Variants in SETBP1 observed in about 807,000 individuals in gnomAD.
The protein encoded by SETBP1 is SET binding protein 1.
Under a neutral mutation model 101.0 loss-of-function variants are expected in SETBP1, and 9 were observed. The observed-to-expected ratio is 0.09, with a 90% CI of 0.05 to 0.16. The LOEUF is 0.16. SETBP1 is among the 10% of genes least tolerant of loss of function. The probability of loss-of-function intolerance (pLI) is 1.00; values close to 1 mark genes in which losing one functional copy is unlikely to be tolerated. For missense variants in SETBP1, 1,858 were observed against 2,033.8 expected, an observed-to-expected ratio of 0.91 and a Z score of 1.66; for synonymous variants, 818 against 788.5, an observed-to-expected ratio of 1.04 and a Z score of -0.63.
chr18:45,057,615 A>G (rs1400754367), intron 5 of SETBP1, among the ~76,000 whole-genome samples: 1 of 152,206 alleles, frequency 6.6e-6, no homozygotes, highest in Non-Finnish European at 1.5e-5. Flanking sequence ...TTGAAGCACA[A>G]GATATTCCAG....
chr18:44,805,430 GT>G (rs2071709470), intron 2 of SETBP1, among the ~76,000 whole-genome samples: 4 of 151,810 alleles, frequency 2.6e-5, no homozygotes, highest in African/African-American at 4.8e-5. Context: ...GTGTGTGTGT[GT>G]GTGGGTGTGT....
chr18:44,958,721 A>G (rs1366598866), intron 4 of SETBP1, among the ~76,000 whole-genome samples: 1 of 152,114 alleles, frequency 6.6e-6, no homozygotes, highest in African/African-American at 2.4e-5. Flanking sequence ...ATGTTAAGCT[A>G]TATGTTTTCC....
intron 2 of SETBP1, among the ~76,000 whole-genome samples, chr18:44,716,509 T>C (rs542957217): frequency 1.3e-5 from 2 of 152,296 alleles, no homozygotes; most frequent in South Asian, 4.2e-4. Flanking sequence ...TTATGTTTTC[T>C]TATTTCTGAA....
intron 2 of SETBP1, among the ~76,000 whole-genome samples, chr18:44,736,582 T>C (rs1193373693): frequency 6.6e-6 from 1 of 152,198 alleles, no homozygotes; most frequent in African/African-American, 2.4e-5. Context: ...TGGTTGGTAA[T>C]GTAGATTCTA....
At chr18:44,865,753 G>T (rs904195593) in intron 2 of SETBP1, among the ~76,000 whole-genome samples, 1 of 1,308 alleles carries the variant, frequency 7.6e-4, no homozygotes, top group African/African-American at 3.6e-3. Context: ...AGAAAAGCCA[G>T]AAAGGCAAGG....
At chr18:44,802,023 C>T (rs1219956212) in intron 2 of SETBP1, among the ~76,000 whole-genome samples, 2 of 152,154 alleles carry the variant, frequency 1.3e-5, no homozygotes, top group Non-Finnish European at 2.9e-5. Context: ...ACTCTGGCTA[C>T]AGTAAATTTC....
chr18:44,907,939 T>A (rs1213485999), intron 3 of SETBP1, among the ~76,000 whole-genome samples: 1 of 152,254 alleles, frequency 6.6e-6, no homozygotes, highest in South Asian at 2.1e-4. Context: ...ACTCATGTTT[T>A]CTTCTAAGAA....
chr18:44,911,823 C>T (rs1016929322), intron 3 of SETBP1, among the ~76,000 whole-genome samples: 1 of 152,162 alleles, frequency 6.6e-6, no homozygotes, highest in African/African-American at 2.4e-5. Context: ...ATGCCAGGGA[C>T]AGGGACAAAC....
intron 3 of SETBP1, among the ~76,000 whole-genome samples, chr18:44,911,298 A>G (rs895963958): frequency 6.6e-6 from 1 of 152,218 alleles, no homozygotes; most frequent in African/African-American, 2.4e-5. Context: ...GAGAGAATTT[A>G]TATTAGGTTG....
At chr18:44,871,925 A>C (rs2069285867) in intron 3 of SETBP1, 1 of 152,206 alleles carries the variant, frequency 6.6e-6, no homozygotes, top group Non-Finnish European at 1.5e-5. Flanking sequence ...AGGCGGTACT[A>C]TTCTCAGCAA....
chr18:44,938,433 T>G (rs968093270), intron 3 of SETBP1, among the ~76,000 whole-genome samples: 1 of 152,248 alleles, frequency 6.6e-6, no homozygotes, highest in South Asian at 2.1e-4. Context: ...GTGATTAGAA[T>G]ATGAAAATGA....
chr18:44,940,645 A>G (rs1414902900), intron 3 of SETBP1, among the ~76,000 whole-genome samples: 1 of 152,202 alleles, frequency 6.6e-6, no homozygotes, highest in African/African-American at 2.4e-5. Flanking sequence ...GTATACCTCT[A>G]TATGTACGCT....
At chr18:44,889,060 A>G (rs1159081124) in intron 3 of SETBP1, among the ~76,000 whole-genome samples, 1 of 152,066 alleles carries the variant, frequency 6.6e-6, no homozygotes, top group African/African-American at 2.4e-5. Flanking sequence ...TGAAAGTTGA[A>G]TATATTTCCT....
intron 2 of SETBP1, among the ~76,000 whole-genome samples, chr18:44,772,184 A>G (rs890589494): frequency 1.3e-5 from 2 of 151,610 alleles, no homozygotes; most frequent in East Asian, 3.9e-4. Flanking sequence ...CCAAAGGTTG[A>G]CTCTCCTGGG....
At chr18:44,740,402 A>T (rs2070069983) in intron 2 of SETBP1, among the ~76,000 whole-genome samples, 1 of 152,240 alleles carries the variant, frequency 6.6e-6, no homozygotes, top group South Asian at 2.1e-4. Flanking sequence ...ACTTGTGATC[A>T]GTTATTTCCT....
At chr18:44,956,260 C>G (rs982243525) in intron 4 of SETBP1, among the ~76,000 whole-genome samples, 1 of 151,896 alleles carries the variant, frequency 6.6e-6, no homozygotes, top group East Asian at 1.9e-4. Flanking sequence ...GCTGTGCCCC[C>G]AAAGCATGAG....
intron 2 of SETBP1, among the ~76,000 whole-genome samples, chr18:44,712,858 G>C (rs564607892): frequency 6.6e-6 from 1 of 151,210 alleles, no homozygotes; most frequent in South Asian, 2.1e-4. Context: ...TGTGTCAAAA[G>C]AAAGTCATAG....
At chr18:45,032,820 TGC>T (rs2073324581) in intron 4 of SETBP1, among the ~76,000 whole-genome samples, 1 of 152,202 alleles carries the variant, frequency 6.6e-6, no homozygotes, top group Admixed American at 6.6e-5. Flanking sequence ...CACCCAAAGA[TGC>T]CATATGAATA....
chr18:44,685,060 G>C (rs903794269), intron 1 of SETBP1, among the ~76,000 whole-genome samples: 2 of 152,098 alleles, frequency 1.3e-5, no homozygotes, highest in Non-Finnish European at 2.9e-5. Context: ...AAGTCCATAG[G>C]ATCCTCTGGG....
Sources: allele counts gnomAD v4.1 joint callset (sites outside exome capture counted in the v4.1 genomes callset), GRCh38; gene constraint gnomAD v4.1.1; transcripts MANE v1.5; gene names NCBI Gene and HGNC (gene_info 2026-07-23, HGNC 2026-07-21).